Variants in KCNB2 observed in about 807,000 individuals in gnomAD.
The protein encoded by KCNB2 is potassium voltage-gated channel subfamily B member 2, also known as delayed rectifier potassium channel protein.
In KCNB2, 15 loss-of-function variants were observed where a neutral mutation model predicts 61.5. The observed-to-expected ratio is 0.24, with a 90% CI of 0.16 to 0.38. KCNB2 has a LOEUF of 0.38. KCNB2 is among the 10% of genes least tolerant of loss of function. KCNB2 has a pLI of 1.00. For missense variants in KCNB2, 828 were observed against 1,125.2 expected, an observed-to-expected ratio of 0.74 and a Z score of 3.78; for synonymous variants, 457 against 446.0, an observed-to-expected ratio of 1.02 and a Z score of -0.31.
intron 2 of KCNB2, among the ~76,000 whole-genome samples, chr8:72,814,227 A>T (rs182670420): frequency 6.6e-6 from 1 of 152,274 alleles, no homozygotes; most frequent in Admixed American, 6.5e-5. Context: ...AATATATCAC[A>T]ATTTATCCAT....
chr8:72,561,127 A>G (rs2128978143), intron 1 of KCNB2, among the ~76,000 whole-genome samples: 1 of 152,192 alleles, frequency 6.6e-6, no homozygotes, highest in Admixed American at 6.5e-5. Flanking sequence ...GTATCTAAAA[A>G]AAGCATCGGT....
chr8:72,844,888 C>G (rs1232979163), intron 2 of KCNB2, among the ~76,000 whole-genome samples: 1 of 152,178 alleles, frequency 6.6e-6, no homozygotes, highest in Admixed American at 6.5e-5. Context: ...AGAACATGCT[C>G]CTTTAGCTCA....
Position 72,634,375 on chromosome 8 carries a change from C to G in KCNB2, c.579+66062C>G, listed in dbSNP as rs1324114693. ...CGCCTAAGATCTTAACATTCACATT[C>G]TAATTATCGAGTCTGAGATGAGGCC... On this transcript the variant is annotated intron_variant, in intron 2 of 2. Coordinates refer to ENST00000523207, the MANE Select transcript of KCNB2 (RefSeq NM_004770.3). Among the ~76,000 whole-genome samples, 4 of 152,276 alleles carry G rather than the reference C, an allele frequency of 2.6e-5. No homozygotes were observed. The East Asian group carries it at 7.7e-4, about 29-fold the overall frequency.
intron 2 of KCNB2, among the ~76,000 whole-genome samples, chr8:72,900,651 G>A (rs1390431032): frequency 6.6e-6 from 1 of 152,004 alleles, no homozygotes; most frequent in Non-Finnish European, 1.5e-5. Flanking sequence ...AAATCAATAA[G>A]CAAAAAACAA....
intron 2 of KCNB2, among the ~76,000 whole-genome samples, chr8:72,611,291 C>T (rs1004482074): frequency 3.2e-4 from 49 of 152,036 alleles, no homozygotes; most frequent in African/African-American, 1.1e-3. Flanking sequence ...TTGCCAATAC[C>T]TTTCACAAAA....
intron 2 of KCNB2, among the ~76,000 whole-genome samples, chr8:72,847,486 G>T (rs888640094): frequency 6.6e-5 from 10 of 152,162 alleles, no homozygotes; most frequent in Non-Finnish European, 1.3e-4. Flanking sequence ...TGCTACTTTA[G>T]CTGTTTGGTT....
intron 2 of KCNB2, among the ~76,000 whole-genome samples, chr8:72,760,709 A>G (rs1412157716): frequency 1.3e-5 from 2 of 152,224 alleles, no homozygotes; most frequent in East Asian, 1.9e-4. Context: ...AGTTAGCAGC[A>G]TATACTAAGT....
At chr8:72,888,824 C>T (rs1805849576) in intron 2 of KCNB2, among the ~76,000 whole-genome samples, 1 of 152,118 alleles carries the variant, frequency 6.6e-6, no homozygotes, top group Non-Finnish European at 1.5e-5. Flanking sequence ...ATAGAAGAGA[C>T]ATATAGAAAA....
chr8:72,597,213 A>G (rs1251879698), intron 2 of KCNB2, among the ~76,000 whole-genome samples: 2 of 151,652 alleles, frequency 1.3e-5, no homozygotes, highest in Non-Finnish European at 2.9e-5. Context: ...TAGTAGAGAC[A>G]TTAGTAGAGA....
intron 2 of KCNB2, among the ~76,000 whole-genome samples, chr8:72,746,936 G>A (rs1808082492): frequency 6.6e-6 from 1 of 152,146 alleles, no homozygotes; most frequent in Non-Finnish European, 1.5e-5. Context: ...TCCAAGTGAA[G>A]GTTTTTCTGA....
chr8:72,789,073 A>G (rs1380140063), intron 2 of KCNB2, among the ~76,000 whole-genome samples: 1 of 152,194 alleles, frequency 6.6e-6, no homozygotes, highest in Non-Finnish European at 1.5e-5. Flanking sequence ...CCACTGGGAA[A>G]GGGAGACATG....
At chr8:72,622,055 A>G (rs1274099457) in intron 2 of KCNB2, among the ~76,000 whole-genome samples, 1 of 152,198 alleles carries the variant, frequency 6.6e-6, no homozygotes, top group East Asian at 1.9e-4. Context: ...CGTTTTGTCA[A>G]TTAGTGTATA....
intron 2 of KCNB2, among the ~76,000 whole-genome samples, chr8:72,665,036 G>A (rs1806444307): frequency 6.6e-6 from 1 of 152,176 alleles, no homozygotes; most frequent in Non-Finnish European, 1.5e-5. Context: ...AGGAAGTGGG[G>A]AAGAACATCT....
At chr8:72,665,092 C>T (rs1806445249) in intron 2 of KCNB2, among the ~76,000 whole-genome samples, 1 of 152,336 alleles carries the variant, frequency 6.6e-6, no homozygotes, top group Non-Finnish European at 1.5e-5. Context: ...GCTGGAAAGC[C>T]ACCGGAGGGT....
intron 2 of KCNB2, among the ~76,000 whole-genome samples, chr8:72,852,880 AT>A (rs1439170907): frequency 6.6e-6 from 1 of 152,248 alleles, no homozygotes; most frequent in Admixed American, 6.5e-5. Context: ...ACACTTTCTC[AT>A]TAATACAATG....
chr8:72,543,046 T>C (rs776667819), intron 1 of KCNB2, among the ~76,000 whole-genome samples: 3 of 152,204 alleles, frequency 2.0e-5, no homozygotes, highest in Non-Finnish European at 4.4e-5. Flanking sequence ...ATACAGTTGC[T>C]TTGAATTTCT....
intron 2 of KCNB2, among the ~76,000 whole-genome samples, chr8:72,904,292 A>G (rs948016811): frequency 6.6e-6 from 1 of 152,148 alleles, no homozygotes; most frequent in Non-Finnish European, 1.5e-5. Flanking sequence ...ACTTTTCTGT[A>G]TAATATTAAC....
chr8:72,936,680 G>C lies in KCNB2; in HGVS notation c.1325G>C (p.Arg442Pro). The change falls in exon 3 of 3, where the codon CGG (arginine) becomes CCG (proline). Residue 442 changes from arginine to proline, a missense_variant. Arg to Pro is a moderately radical substitution (Grantham distance 103, BLOSUM62 -2). Around this residue, in one of 4 missense-constraint regions of KCNB2, gnomAD observed 559 missense variants for 588.4 expected, o/e 0.95. Transcript: ENST00000523207. This position sits in a 1 kb window ranked among gnomAD's most constrained non-coding sequence, Gnocchi z 5.6. ...ATTAAAAGGAGGGAGGCTCTTGAGC[G>C]GGCCAAAAGGAACGGAAGCATCGTT... ...KAIKRREALERAKRNGSIVSM... is the reference protein window; with the variant it reads ...KAIKRREALEPAKRNGSIVSM... 6.2e-7 allele frequency: 1 copy of C among 1,614,154 alleles called. No individual in the cohort carries two copies.
At chr8:72,619,266 G>A (rs1805675848) in intron 2 of KCNB2, 1 of 616,808 alleles carries the variant, frequency 1.6e-6, no homozygotes, top group Admixed American at 1.8e-5. Flanking sequence ...GTCAACCAAA[G>A]CATTCAGATA....
Sources: allele counts gnomAD v4.1 joint callset (sites outside exome capture counted in the v4.1 genomes callset), GRCh38; gene constraint gnomAD v4.1.1; regional missense constraint gnomAD v4.1.1; non-coding constraint Gnocchi (gnomAD v3.1); transcripts MANE v1.5; gene names NCBI Gene and HGNC (gene_info 2026-07-23, HGNC 2026-07-21).